GHR: variants seen among roughly 807,000 people sequenced by gnomAD.
The protein encoded by GHR is growth hormone receptor, also known as GH receptor.
GHR carries 35 observed loss-of-function variants against 67.1 expected under a neutral mutation model. The ratio of observed to expected loss-of-function variants is 0.52; its 90% CI spans 0.40 to 0.69. The LOEUF (loss-of-function observed/expected upper bound fraction) is 0.69, where lower values mean the gene tolerates loss of function less well. Ranked by LOEUF, GHR falls within the 30% of genes least tolerant of loss-of-function variation. The pLI is 0.00. For synonymous variants in GHR, 272 were observed against 269.1 expected, an observed-to-expected ratio of 1.01 and a Z score of -0.10; for missense variants, 792 against 764.6, an observed-to-expected ratio of 1.04 and a Z score of -0.42.
intron 2 of GHR, among the ~76,000 whole-genome samples, chr5:42,616,597 G>GACT (rs1753162862): frequency 6.6e-6 from 1 of 151,504 alleles, no homozygotes; most frequent in Non-Finnish European, 1.5e-5. Context: ...GAGAGGCTCA[G>GACT]ACTAAGATAG....
chr5:42,543,144 G>A (rs79429701), intron 1 of GHR, among the ~76,000 whole-genome samples: 2 of 152,036 alleles, frequency 1.3e-5, no homozygotes, highest in East Asian at 1.9e-4. Flanking sequence ...CCTTTAGGTC[G>A]ATTCCCAGTA....
intron 1 of GHR, among the ~76,000 whole-genome samples, chr5:42,457,613 C>T (rs371258942): frequency 6.6e-6 from 1 of 152,246 alleles, no homozygotes; most frequent in Non-Finnish European, 1.5e-5. Context: ...ATAACCAGAC[C>T]TTGTTAACTG....
intron 2 of GHR, among the ~76,000 whole-genome samples, chr5:42,570,850 A>G (rs1750260956): frequency 6.6e-6 from 1 of 152,222 alleles, no homozygotes; most frequent in Admixed American, 6.5e-5. Context: ...TAATACTAGT[A>G]ATAGGATAAA....
chr5:42,440,646 T>C (rs1397707341), intron 1 of GHR, among the ~76,000 whole-genome samples: 1 of 152,218 alleles, frequency 6.6e-6, no homozygotes, highest in Non-Finnish European at 1.5e-5. Context: ...GGAGGTCACC[T>C]GCTCTATTAT....
At chr5:42,576,766 G>A (rs947540132) in intron 2 of GHR, among the ~76,000 whole-genome samples, 7 of 152,152 alleles carry the variant, frequency 4.6e-5, no homozygotes, top group African/African-American at 7.2e-5. Flanking sequence ...TTTAAAGGAT[G>A]GGTTTGATGA....
chr5:42,716,293 G>A (rs1417364167), intron 8 of GHR, among the ~76,000 whole-genome samples: 3 of 152,150 alleles, frequency 2.0e-5, no homozygotes, highest in Non-Finnish European at 2.9e-5. Flanking sequence ...ATTTGAACAT[G>A]TTGCTTAATT....
intron 1 of GHR, among the ~76,000 whole-genome samples, chr5:42,521,597 A>G (rs1026366630): frequency 1.3e-5 from 2 of 152,154 alleles, no homozygotes; most frequent in African/African-American, 2.4e-5. Context: ...TCTGCTAACG[A>G]TTTTCATCTG....
intron 2 of GHR, among the ~76,000 whole-genome samples, chr5:42,566,966 A>C (rs1749978337): frequency 6.6e-6 from 1 of 152,238 alleles, no homozygotes; most frequent in Non-Finnish European, 1.5e-5. Flanking sequence ...TTTATCTCTT[A>C]AAGCAATTTA....
chr5:42,627,069 T>C (rs1367991630), intron 2 of GHR, among the ~76,000 whole-genome samples: 3 of 152,222 alleles, frequency 2.0e-5, no homozygotes, highest in Non-Finnish European at 4.4e-5. Context: ...ATTACGACTG[T>C]GTTTATAGTG....
At chr5:42,568,141 G>C (rs1750056047) in intron 2 of GHR, among the ~76,000 whole-genome samples, 1 of 152,180 alleles carries the variant, frequency 6.6e-6, no homozygotes, top group Admixed American at 6.5e-5. Context: ...TGACAGACCT[G>C]TATGCGTAGG....
At chr5:42,622,639 A>G (rs1753506030) in intron 2 of GHR, among the ~76,000 whole-genome samples, 1 of 152,148 alleles carries the variant, frequency 6.6e-6, no homozygotes, top group South Asian at 2.1e-4. Context: ...CTGTAATTGT[A>G]TAGCTTGGTT....
intron 1 of GHR, among the ~76,000 whole-genome samples, chr5:42,480,458 C>T (rs867340046): frequency 2.0e-5 from 3 of 152,050 alleles, no homozygotes; most frequent in Non-Finnish European, 2.9e-5. Context: ...CTTTCTGTCT[C>T]GTTGATCTGT....
rs374651505 is a variant in GHR at position 42,640,090 on chromosome 5, C to G, written c.136+10987C>G. ...AATCTGAGAGCAGTAGATGCATTTT[C>G]TCTTTTGGGACTTTTCTATCTCATG... On this transcript the variant is annotated intron_variant, in intron 3 of 9. Transcript: ENST00000230882. Among the ~76,000 whole-genome samples, 32 of 152,292 alleles carry G rather than the reference C, an allele frequency of 2.1e-4. No individual in the cohort carries two copies. In the South Asian group the frequency reaches 6.6e-3, roughly 32 times the overall value.
intron 1 of GHR, chr5:42,469,006 A>C: frequency 3.2e-6 from 1 of 314,722 alleles, no homozygotes; most frequent in Admixed American, 5.1e-5. Context: ...GGTAAATTTC[A>C]AAATGAATTT....
chr5:42,674,565 G>A (rs1756476577), intron 3 of GHR, among the ~76,000 whole-genome samples: 1 of 152,032 alleles, frequency 6.6e-6, no homozygotes, highest in African/African-American at 2.4e-5. Context: ...CTCTCTGTAT[G>A]TGACTATTCT....
intron 6 of GHR, among the ~76,000 whole-genome samples, chr5:42,709,362 C>T (rs946552495): frequency 2.6e-5 from 4 of 152,156 alleles, no homozygotes; most frequent in Non-Finnish European, 1.5e-5. Flanking sequence ...AGACTGGTCT[C>T]GAACTCCTGA....
At chr5:42,485,708 G>T (rs1184479067) in intron 1 of GHR, among the ~76,000 whole-genome samples, 1 of 152,150 alleles carries the variant, frequency 6.6e-6, no homozygotes, top group Non-Finnish European at 1.5e-5. Context: ...TGTCATTCCA[G>T]GGTCATAGTC....
At chr5:42,501,046 A>G (rs936598806) in intron 1 of GHR, among the ~76,000 whole-genome samples, 1 of 152,182 alleles carries the variant, frequency 6.6e-6, no homozygotes, top group Non-Finnish European at 1.5e-5. Context: ...TTAATACTCC[A>G]TCTTTAAAGA....
intron 1 of GHR, among the ~76,000 whole-genome samples, chr5:42,506,575 T>C (rs1746786883): frequency 6.6e-6 from 1 of 152,212 alleles, no homozygotes; most frequent in African/African-American, 2.4e-5. Flanking sequence ...CAATGATAGA[T>C]TCACTATTTG....
Sources: gnomAD v4.1 joint callset for allele counts (sites outside exome capture counted in the v4.1 genomes callset) on GRCh38, gnomAD v4.1.1 for gene constraint, MANE v1.5 for transcripts, NCBI Gene and HGNC (gene_info 2026-07-23, HGNC 2026-07-21) for gene names.